PTPRC: variants seen among roughly 807,000 people sequenced by gnomAD.
PTPRC encodes the protein protein tyrosine phosphatase receptor type C, also known as receptor-type tyrosine-protein phosphatase C.
A neutral mutation model predicts 155.9 loss-of-function variants in PTPRC; 44 were observed. That is an observed-to-expected ratio of 0.28 (90% CI 0.22 to 0.36). The LOEUF is 0.36. Among genes scored for constraint, PTPRC ranks in the 10% least tolerant of loss-of-function variants. The probability of loss-of-function intolerance (pLI) is 1.00; values close to 1 mark genes in which losing one functional copy is unlikely to be tolerated. For missense variants in PTPRC, 1,401 were observed against 1,564.6 expected, an observed-to-expected ratio of 0.90 and a Z score of 1.76; for synonymous variants, 525 against 533.1, an observed-to-expected ratio of 0.98 and a Z score of 0.21.
At chr1:198,660,740 C>T (rs902366103) in intron 2 of PTPRC, 10 of 152,122 alleles carry the variant, frequency 6.6e-5, no homozygotes, top group Admixed American at 1.3e-4. Flanking sequence ...ATCTAAGTAA[C>T]TTTGACAGCA....
At chr1:198,733,417 T>A (rs1469918994) in intron 20 of PTPRC, among the ~76,000 whole-genome samples, 2 of 151,772 alleles carry the variant, frequency 1.3e-5, no homozygotes, top group South Asian at 2.1e-4. Context: ...ATTAAATAAA[T>A]GAATGTATGC....
chr1:198,748,434 A>ATTAT (rs1655238066), intron 27 of PTPRC, among the ~76,000 whole-genome samples: 1 of 151,766 alleles, frequency 6.6e-6, no homozygotes, highest in African/African-American at 2.4e-5. Flanking sequence ...CTTTTTACCA[A>ATTAT]TTATTTCAGA....
At chr1:198,640,442 G>A (rs1426376540) in intron 2 of PTPRC, among the ~76,000 whole-genome samples, 1 of 151,798 alleles carries the variant, frequency 6.6e-6, no homozygotes, top group Admixed American at 6.6e-5. Context: ...ATTTCTATTT[G>A]GAGAGGAAAG....
At chr1:198,722,599 A>T in intron 15 of PTPRC, 123 bp downstream of exon 15, 1 of 438,480 alleles carries the variant, frequency 2.3e-6, no homozygotes, top group Non-Finnish European at 3.5e-6. Flanking sequence ...TCTCTTCCGT[A>T]AATGTAATAT....
At chr1:198,718,501 G>A (rs1376027783) in intron 14 of PTPRC, among the ~76,000 whole-genome samples, 199 bp downstream of exon 14, 2 of 152,106 alleles carry the variant, frequency 1.3e-5, no homozygotes, top group Non-Finnish European at 2.9e-5. Flanking sequence ...TAAAGCAAAT[G>A]TTTCATTGGA....
At chr1:198,666,013 G>T (rs1664282250) in intron 2 of PTPRC, among the ~76,000 whole-genome samples, 1 of 152,024 alleles carries the variant, frequency 6.6e-6, no homozygotes, top group African/African-American at 2.4e-5. Flanking sequence ...GGCCAAGGGG[G>T]GAGAATCACT....
chr1:198,643,563 C>A (rs914397539), intron 2 of PTPRC, among the ~76,000 whole-genome samples: 1 of 151,560 alleles, frequency 6.6e-6, no homozygotes, highest in African/African-American at 2.4e-5. Flanking sequence ...TTTGTTTTTT[C>A]TTTGCTCCCT....
Position 198,734,177 on chromosome 1 carries a change from C to T in PTPRC, c.2143-19C>T, listed in dbSNP as rs6683595. The T allele has an allele frequency of 0.17, 266,657 of 1,604,074 alleles. 25,963 individuals carry two copies. Among genetic ancestry groups the T allele is most frequent in the African/African-American group, 0.39 (29,068 of 74,454 alleles). Reference sequence around the variant, plus strand: ...TGAATGTTCAGCAAATGACATATCTCTGCATGTGTTTTCAATAGGGTTTCA... The same window carrying T: ...TGAATGTTCAGCAAATGACATATCTTTGCATGTGTTTTCAATAGGGTTTCA... On this transcript the variant is annotated intron_variant, in intron 20 of 32. Transcript: ENST00000442510.
Position 198,735,123 on chromosome 1 carries a change from G to A in PTPRC, c.2278-4G>A, listed in dbSNP as rs2102492974. 1 of 1,590,160 alleles carries A rather than the reference G, an allele frequency of 6.3e-7. No individual in the cohort carries two copies. Among genetic ancestry groups the A allele is most frequent in the Non-Finnish European group, 8.6e-7 (1 of 1,167,268 alleles). Reference sequence around the variant, plus strand: ...AAAATACTTAATAATTTTTTAAAATGTAGAACAAGTGTGCAGAATACTGGC... The same window carrying A: ...AAAATACTTAATAATTTTTTAAAATATAGAACAAGTGTGCAGAATACTGGC... On this transcript the variant is annotated splice_polypyrimidine_tract_variant and splice_region_variant and intron_variant, in intron 22 of 32. Coordinates refer to ENST00000442510, the MANE Select transcript of PTPRC (RefSeq NM_002838.5).
At chr1:198,658,485 T>C (rs1488980471) in intron 2 of PTPRC, among the ~76,000 whole-genome samples, 6 of 152,162 alleles carry the variant, frequency 3.9e-5, no homozygotes, top group Non-Finnish European at 8.8e-5. Context: ...TGAGACGGAA[T>C]GATAAGGATA....
rs776208869 is a variant in PTPRC at position 198,732,547 on chromosome 1, C to T, written c.2133C>T (p.Ser711=). 2.5e-6 allele frequency: 4 copies of T among 1,607,366 alleles called. No individual in the cohort carries two copies. In the Admixed American group the frequency reaches 6.7e-5, roughly 27 times the overall value. Residue 711 remains serine, a synonymous_variant, in exon 20 of 33, where the codon AGC becomes AGT. Transcript: ENST00000442510. ...GDAGSNYINA[S]YIDGFKEPRK... ...CAGGGTCAAACTACATAAATGCCAG[C>T]TATATTGATGTGAGTAAAAATTTGC...
At chr1:198,707,428 A>C (rs898240743) in intron 9 of PTPRC, among the ~76,000 whole-genome samples, 1 of 151,244 alleles carries the variant, frequency 6.6e-6, no homozygotes, top group African/African-American at 2.4e-5. Flanking sequence ...TGGTTTTGTC[A>C]GCTAAGCTAC....
chr1:198,714,338 GT>G (rs1259963316), intron 12 of PTPRC, among the ~76,000 whole-genome samples: 6 of 151,576 alleles, frequency 4.0e-5, no homozygotes, highest in Admixed American at 3.3e-4. Context: ...TATTTTTACA[GT>G]TTTTTTAAAC....
intron 3 of PTPRC, chr1:198,694,226 C>A: frequency 7.4e-7 from 1 of 1,349,666 alleles, no homozygotes; most frequent in Non-Finnish European, 9.7e-7. Context: ...AGATGAAGAC[C>A]AGAAGACTCA....
intron 23 of PTPRC, among the ~76,000 whole-genome samples, chr1:198,739,481 C>T (rs1031322881): frequency 2.0e-5 from 3 of 151,524 alleles, no homozygotes; most frequent in African/African-American, 4.8e-5. Context: ...AAAGAGACAC[C>T]GATTGTCTCT....
intron 2 of PTPRC, among the ~76,000 whole-genome samples, chr1:198,645,321 C>G (rs987793633): frequency 6.6e-6 from 1 of 151,796 alleles, no homozygotes; most frequent in Non-Finnish European, 1.5e-5. Flanking sequence ...CATGGCAATA[C>G]AGTGTGGCCA....
At chr1:198,750,343 C>T (rs1354286689) in intron 28 of PTPRC, 149 bp from the exon 29 acceptor site, 2 of 801,548 alleles carry the variant, frequency 2.5e-6, no homozygotes, top group Non-Finnish European at 4.2e-6. Context: ...ATAGCTATTA[C>T]ATTGTTTCTT....
At chr1:198,709,623 GA>G in intron 10 of PTPRC, 63 bp from the exon 11 acceptor site, 1 of 1,311,536 alleles carries the variant, frequency 7.6e-7, no homozygotes, top group Non-Finnish European at 1.0e-6. Flanking sequence ...TGTGAAATTA[GA>G]AAATAAATGT....
intron 25 of PTPRC, 115 bp downstream of exon 25, chr1:198,742,482 AGAT>A (rs201847658): frequency 0.015 from 20,256 of 1,316,242 alleles, 244 homozygotes; most frequent in Non-Finnish European, 0.017. Flanking sequence ...CTCAAACAGT[AGAT>A]GATTTCCTGA....
Sources: gnomAD v4.1 joint callset for allele counts (sites outside exome capture counted in the v4.1 genomes callset) on GRCh38, gnomAD v4.1.1 for gene constraint, MANE v1.5 for transcripts, NCBI Gene and HGNC (gene_info 2026-07-23, HGNC 2026-07-21) for gene names.